NCK1: variants seen among roughly 807,000 people sequenced by gnomAD.
NCK1 encodes the protein NCK adaptor protein 1.
Under a neutral mutation model 36.6 loss-of-function variants are expected in NCK1, and 19 were observed. That is an observed-to-expected ratio of 0.52 (90% CI 0.36 to 0.76). NCK1 has a LOEUF of 0.76. NCK1 is among the 30% of genes least tolerant of loss of function. The pLI, the probability that NCK1 is intolerant of heterozygous loss-of-function variation, is 0.00. For synonymous variants in NCK1, 165 were observed against 156.0 expected (o/e 1.06, Z -0.43); for missense variants, 358 against 445.6 (o/e 0.80, Z 1.77).
chr3:136,934,613 G>C (rs917040751), intron 2 of NCK1, among the ~76,000 whole-genome samples: 1 of 151,996 alleles, frequency 6.6e-6, no homozygotes, highest in Non-Finnish European at 1.5e-5. Context: ...CATCACCCAG[G>C]TATTAAGCCC....
intron 2 of NCK1, among the ~76,000 whole-genome samples, chr3:136,932,000 A>G (rs1199181662): frequency 1.3e-5 from 2 of 151,954 alleles, no homozygotes; most frequent in African/African-American, 4.8e-5. Flanking sequence ...GGTGCCTGTA[A>G]TCCCAGCTAC....
intron 1 of NCK1, among the ~76,000 whole-genome samples, chr3:136,902,339 A>G (rs924173888): frequency 6.6e-6 from 1 of 152,082 alleles, no homozygotes; most frequent in Non-Finnish European, 1.5e-5. Context: ...CTGGGACTAC[A>G]GGTGCATGCC....
At chr3:136,896,380 C>T (rs1939391011) in intron 1 of NCK1, among the ~76,000 whole-genome samples, 1 of 152,148 alleles carries the variant, frequency 6.6e-6, no homozygotes, top group Admixed American at 6.6e-5. Flanking sequence ...TGAGTTAGAA[C>T]ATACTATATT....
intron 1 of NCK1, among the ~76,000 whole-genome samples, chr3:136,885,642 AATGGTGAT>A (rs1939056842): frequency 6.6e-6 from 1 of 152,206 alleles, no homozygotes; most frequent in Non-Finnish European, 1.5e-5. Flanking sequence ...TTCAGTTAAA[AATGGTGAT>A]ATTAATACTG....
chr3:136,896,783 A>G (rs890912547), intron 1 of NCK1, among the ~76,000 whole-genome samples: 49 of 151,544 alleles, frequency 3.2e-4, no homozygotes, highest in Admixed American at 2.5e-3. Context: ...TTACAGACCT[A>G]GCACTGTGCC....
chr3:136,879,572 T>C (rs1938871719), intron 1 of NCK1, among the ~76,000 whole-genome samples: 1 of 152,164 alleles, frequency 6.6e-6, no homozygotes, highest in Admixed American at 6.5e-5. Context: ...TGTGACCTTA[T>C]GTGCACTATT....
At chr3:136,869,019 CCT>C (rs759907208) in intron 1 of NCK1, among the ~76,000 whole-genome samples, 82 of 152,064 alleles carry the variant, frequency 5.4e-4, no homozygotes, top group Non-Finnish European at 1.0e-3. Flanking sequence ...ATGCGGAGCC[CCT>C]GAGTCCAGGA....
In NCK1 at chr3:136,867,236, C is replaced by T. The variant is rs979103046; in HGVS notation, c.-19+4883C>T. Among the ~76,000 whole-genome samples the T allele has an allele frequency of 5.4e-5, 6 of 110,262 alleles. 1 individual carries two copies. The highest frequency in any genetic ancestry group is 9.5e-5 in the Non-Finnish European group (5 of 52,614). The allele number at this position is 110,262 out of a possible 152,430, so 72.3% of individuals were successfully genotyped here. ...CCTTCCTTCCTTCCGTCCATCCATC[C>T]GTCTGTCCGTCCGTCTGTCTCTCTC... On this transcript the variant is annotated intron_variant, in intron 1 of 3. Coordinates refer to ENST00000481752, the MANE Select transcript of NCK1 (RefSeq NM_001291999.2).
At chr3:136,917,220 A>G (rs1051407324) in intron 1 of NCK1, among the ~76,000 whole-genome samples, 1 of 135,876 alleles carries the variant, frequency 7.4e-6, no homozygotes, top group South Asian at 2.5e-4. Context: ...AACTTTCTTA[A>G]AACATTATGA....
intron 2 of NCK1, chr3:136,928,583 G>T (rs1283562360): frequency 9.9e-6 from 2 of 201,384 alleles, no homozygotes; most frequent in Non-Finnish European, 2.0e-5. Context: ...GGCACATAAT[G>T]AATTTTAACA....
chr3:136,879,831 G>A (rs1199418928), intron 1 of NCK1, among the ~76,000 whole-genome samples: 2 of 151,520 alleles, frequency 1.3e-5, no homozygotes, highest in Non-Finnish European at 2.9e-5. Context: ...ATCACACATT[G>A]GGGCCTGTTG....
At chr3:136,927,960 A>C in intron 1 of NCK1, 24 bp from the exon 2 acceptor site, 1 of 1,491,024 alleles carries the variant, frequency 6.7e-7, no homozygotes, top group Non-Finnish European at 9.3e-7. Context: ...ACCTTACATA[A>C]AAATATTTTC....
chr3:136,936,153 G>A (rs904658036), intron 2 of NCK1, among the ~76,000 whole-genome samples: 1 of 150,524 alleles, frequency 6.6e-6, no homozygotes, highest in African/African-American at 2.4e-5. Context: ...TGATTCTCCT[G>A]CCTCAGCCTC....
intron 1 of NCK1, among the ~76,000 whole-genome samples, chr3:136,888,100 A>G (rs777824563): frequency 4.6e-5 from 7 of 152,074 alleles, no homozygotes; most frequent in Non-Finnish European, 8.8e-5. Context: ...GTCTGCCAGC[A>G]CGCCTGGCTA....
At chr3:136,880,380 A>AT (rs1421437297) in intron 1 of NCK1, among the ~76,000 whole-genome samples, 1 of 152,138 alleles carries the variant, frequency 6.6e-6, no homozygotes, top group African/African-American at 2.4e-5. Flanking sequence ...CTAATCCACC[A>AT]TGACTTCGGG....
At position 136,948,814 on chromosome 3, in the gene NCK1, CCTGTT is replaced by C. The variant is rs1940895339; in HGVS notation, c.*367_*371del. On this transcript the variant is annotated 3_prime_UTR_variant, in exon 4 of 4. Transcript: ENST00000481752. ...TTCCTTTGTTTCCTTGTAAAGGCAC[CCTGTT>C]CTGTTATGGTTTTTCATTATATAAA... The C allele has an allele frequency of 6.4e-6, 1 of 155,838 alleles. No individual in the cohort carries two copies. The highest frequency in any genetic ancestry group is 6.5e-5 in the Admixed American group (1 of 15,446). The allele number at this position is 155,838 out of a possible 1,614,324, so 9.7% of individuals were successfully genotyped here.
At chr3:136,894,513 C>T (rs192639152) in intron 1 of NCK1, among the ~76,000 whole-genome samples, 577 of 152,214 alleles carry the variant, frequency 3.8e-3, no homozygotes, top group Non-Finnish European at 6.6e-3. Flanking sequence ...TGGTGTAGGA[C>T]CAGTGGATGC....
intron 2 of NCK1, chr3:136,928,464 A>G (rs1940305057): frequency 1.2e-5 from 6 of 499,252 alleles, no homozygotes; most frequent in Admixed American, 7.5e-5. Flanking sequence ...ACCAATGAGT[A>G]GAACTAACTC....
intron 1 of NCK1, among the ~76,000 whole-genome samples, chr3:136,916,751 T>C (rs1225288880): frequency 6.6e-6 from 1 of 150,988 alleles, no homozygotes; most frequent in East Asian, 1.9e-4. Context: ...ATAAAACAGT[T>C]TGTTTAGTTC....
Sources: allele counts gnomAD v4.1 joint callset (sites outside exome capture counted in the v4.1 genomes callset), GRCh38; gene constraint gnomAD v4.1.1; transcripts MANE v1.5; gene names NCBI Gene and HGNC (gene_info 2026-07-23, HGNC 2026-07-21).